The following OPRM1 variants were observed in gnomAD, a reference collection of about 807,000 sequenced individuals.
OPRM1 encodes opioid receptor mu 1, also known as mu-type opioid receptor.
A neutral mutation model predicts 31.8 loss-of-function variants in OPRM1; 27 were observed. The ratio of observed to expected loss-of-function variants is 0.85; its 90% CI spans 0.63 to 1.17. The LOEUF is 1.17. OPRM1 is among the 50% of genes most tolerant of loss of function. The probability of loss-of-function intolerance (pLI) is 0.00; values close to 1 mark genes in which losing one functional copy is unlikely to be tolerated. For missense variants in OPRM1, 536 were observed against 511.1 expected, an observed-to-expected ratio of 1.05 and a Z score of -0.47; for synonymous variants, 196 against 189.9, an observed-to-expected ratio of 1.03 and a Z score of -0.26.
In OPRM1 at chr6:154,119,564, T is replaced by A; in HGVS notation, c.*843T>A. ...ATGCAGGAAGTCAAGCATTAAAATG[T>A]ACTCTTTATTTCTCACTGGTTTCTC... On this transcript the variant is annotated 3_prime_UTR_variant, in exon 4 of 4. Transcript: ENST00000330432. 2.3e-6 allele frequency: 1 copy of A among 430,042 alleles called. No homozygotes were observed. The highest frequency in any genetic ancestry group is 3.1e-6 in the Non-Finnish European group (1 of 322,392). 26.6% of individuals were successfully genotyped at this position (430,042 alleles called of 1,614,324 possible).
At chr6:154,077,904 T>A (rs938518690) in intron 1 of OPRM1, among the ~76,000 whole-genome samples, 1 of 151,816 alleles carries the variant, frequency 6.6e-6, no homozygotes, top group African/African-American at 2.4e-5. Context: ...TATCTATTTA[T>A]CATCCAACCC....
intron 1 of OPRM1, among the ~76,000 whole-genome samples, chr6:154,040,990 G>T (rs190236392): frequency 4.0e-4 from 60 of 151,840 alleles, no homozygotes; most frequent in African/African-American, 1.3e-3. Context: ...TTAACCAGGG[G>T]TATGTGTATA....
chr6:154,138,580 A>G (rs1176100365), intron 3 of OPRM1, among the ~76,000 whole-genome samples: 1 of 152,198 alleles, frequency 6.6e-6, no homozygotes, highest in Non-Finnish European at 1.5e-5. Context: ...TTGCAAAATT[A>G]TGACGGAGAC....
rs144857440 is a variant in OPRM1 at position 154,049,554 on chromosome 6, T to A, written c.290+9720T>A. Among the ~76,000 whole-genome samples, 3 of 152,224 alleles carry A rather than the reference T, an allele frequency of 2.0e-5. No homozygotes were observed. The East Asian group carries it at 5.8e-4, about 29-fold the overall frequency. On this transcript the variant is annotated intron_variant, in intron 1 of 3. Coordinates refer to ENST00000330432, the MANE Select transcript of OPRM1 (RefSeq NM_000914.5). ...AAGAGGCCAATTTTCAAATACAGAATCCTCAAATAATGAGAATCAAATATA... is the reference window on the plus strand; with the variant it reads ...AAGAGGCCAATTTTCAAATACAGAAACCTCAAATAATGAGAATCAAATATA...
At position 154,107,368 on chromosome 6, in the gene OPRM1, TG is replaced by T. The variant is rs1795724753; in HGVS notation, c.1165-11313del. ...TGAACTTCACCAAAGGCAACCTCCT[TG>T]GTGCTTAGAGAAAGGAAAATTTCAG... is the stretch of plus-strand genomic sequence containing the variant. On this transcript the variant is annotated intron_variant, in intron 3 of 3. Coordinates refer to ENST00000330432, the MANE Select transcript of OPRM1 (RefSeq NM_000914.5). The T allele has an allele frequency of 1.4e-5, 9 of 664,874 alleles. 1 individual carries two copies. In the South Asian group the frequency reaches 1.5e-4, roughly 11 times the overall value. 41.2% of individuals were successfully genotyped at this position (664,874 alleles called of 1,614,324 possible).
At chr6:154,011,578 T>A (rs2128374605) in intron 1 of OPRM1, among the ~76,000 whole-genome samples, 1 of 152,278 alleles carries the variant, frequency 6.6e-6, no homozygotes, top group African/African-American at 2.4e-5. Context: ...GTAATTTTAG[T>A]TGAAAAAATA....
chr6:154,115,890 G>A (rs990197817), intron 3 of OPRM1, among the ~76,000 whole-genome samples: 2 of 152,326 alleles, frequency 1.3e-5, no homozygotes, highest in South Asian at 2.1e-4. Flanking sequence ...TTTCTTTGGC[G>A]ATCATCCGAT....
chr6:154,093,526 T>C, intron 3 of OPRM1: 1 of 1,577,534 alleles, frequency 6.3e-7, no homozygotes, highest in East Asian at 2.2e-5. Flanking sequence ...ATGGCTATTG[T>C]ACAGCCAGAT....
At chr6:154,231,376 A>AC (rs1779704095) in intron 3 of OPRM1, among the ~76,000 whole-genome samples, 1 of 152,232 alleles carries the variant, frequency 6.6e-6, no homozygotes. Flanking sequence ...TTGCCCATTG[A>AC]CCCAGAAATT....
chr6:154,228,900 AC>A (rs1479166676), intron 3 of OPRM1, among the ~76,000 whole-genome samples: 1 of 152,242 alleles, frequency 6.6e-6, no homozygotes, highest in Non-Finnish European at 1.5e-5. Context: ...AAACAAACAA[AC>A]AAAAAACAGA....
At chr6:154,108,693 G>A (rs754152169) in intron 3 of OPRM1, 217 of 688,478 alleles carry the variant, frequency 3.2e-4, no homozygotes, top group Non-Finnish European at 3.6e-4. Flanking sequence ...GGACTTTAAC[G>A]AGAGGGGTCT....
rs1583626498 is a variant in OPRM1 at position 154,123,355 on chromosome 6, G to T, written c.*4634G>T. Among the ~76,000 whole-genome samples the T allele has an allele frequency of 6.6e-6, 1 of 152,260 alleles. No homozygotes were observed. The highest frequency in any genetic ancestry group is 1.9e-4 in the East Asian group (1 of 5,182). ...CCACTAATCACACAGTGAACAAAAG[G>T]CTTCTATGCTGGGCCTTACTTTCTA... On this transcript the variant is annotated 3_prime_UTR_variant, in exon 4 of 4. Coordinates refer to ENST00000330432, the MANE Select transcript of OPRM1 (RefSeq NM_000914.5).
rs942611909 is a variant in OPRM1 at position 154,121,580 on chromosome 6, C to T, written c.*2859C>T. On this transcript the variant is annotated 3_prime_UTR_variant, in exon 4 of 4. Transcript: ENST00000330432. ...CAATAATATGACTGTGTTGATAAAA[C>T]TGATAACCATTCACTTGCAAATGTT... 6.6e-6 allele frequency among the ~76,000 whole-genome samples: 1 copy of T among 152,158 alleles called. No homozygotes were observed. Among genetic ancestry groups the T allele is most frequent in the South Asian group, 2.1e-4 (1 of 4,834 alleles).
At chr6:154,151,124 T>C (rs542699791) in intron 3 of OPRM1, among the ~76,000 whole-genome samples, 27 of 152,354 alleles carry the variant, frequency 1.8e-4, no homozygotes, top group African/African-American at 6.5e-4. Flanking sequence ...CAGCTGGCTC[T>C]GCAACCAAGG....
rs1009072918 is a variant in OPRM1, at chr6:154,095,642, A to G, written c.1164+4170A>G. Among the ~76,000 whole-genome samples, 4 of 152,206 alleles carry G rather than the reference A, an allele frequency of 2.6e-5. No homozygotes were observed. In the East Asian group the frequency reaches 7.7e-4, roughly 29 times the overall value. On this transcript the variant is annotated intron_variant, in intron 3 of 3. Coordinates refer to ENST00000330432, the MANE Select transcript of OPRM1 (RefSeq NM_000914.5). ...GATAAGGAGACCAAGAGATTGATTC[A>G]GTGCCCTAAAGAGGTCTTTCCCTAG... is the stretch of plus-strand genomic sequence containing the variant.
intron 3 of OPRM1, among the ~76,000 whole-genome samples, chr6:154,239,198 T>C (rs2128634334): frequency 6.6e-6 from 1 of 152,178 alleles, no homozygotes; most frequent in South Asian, 2.1e-4. Context: ...TAAAGGAAAA[T>C]AATATTGGCA....
intron 1 of OPRM1, among the ~76,000 whole-genome samples, chr6:154,077,703 C>T (rs1359044721): frequency 6.6e-6 from 1 of 151,822 alleles, no homozygotes; most frequent in African/African-American, 2.4e-5. Context: ...TGCACTCCAG[C>T]CTGGGCGACA....
intron 3 of OPRM1, among the ~76,000 whole-genome samples, chr6:154,095,309 G>T (rs1023909510): frequency 2.0e-5 from 3 of 151,368 alleles, no homozygotes; most frequent in Admixed American, 1.3e-4. Flanking sequence ...AGAAAGAAAA[G>T]AAAGAAAGTA....
upstream of OPRM1, among the ~76,000 whole-genome samples, chr6:154,034,693 T>TA (rs979665488): frequency 6.6e-6 from 1 of 152,074 alleles, no homozygotes; most frequent in Admixed American, 6.5e-5. Flanking sequence ...TAAAAATGTG[T>TA]AAAGAGTCCT....
Sources: gnomAD v4.1 joint callset for allele counts (sites outside exome capture counted in the v4.1 genomes callset) on GRCh38, gnomAD v4.1.1 for gene constraint, MANE v1.5 for transcripts, NCBI Gene and HGNC (gene_info 2026-07-23, HGNC 2026-07-21) for gene names.